Variants in OPTC observed in about 807,000 individuals in gnomAD.
The protein encoded by OPTC is opticin.
OPTC carries 22 observed loss-of-function variants against 25.4 expected under a neutral mutation model. The observed-to-expected ratio is 0.87, with a 90% CI of 0.62 to 1.24. The LOEUF is 1.24. Ranked by LOEUF, OPTC falls within the 50% of genes most tolerant of loss-of-function variation. The probability of loss-of-function intolerance (pLI) is 0.00; values close to 1 mark genes in which losing one functional copy is unlikely to be tolerated. For missense variants in OPTC, 417 were observed against 425.2 expected (o/e 0.98, Z 0.17); for synonymous variants, 169 against 179.3 (o/e 0.94, Z 0.46).
intron 7 of OPTC, among the ~76,000 whole-genome samples, chr1:203,504,775 G>A (rs75095615): frequency 0.015 from 2,243 of 152,328 alleles, 48 homozygotes; most frequent in African/African-American, 0.05. Context: ...TCTCTTGAGC[G>A]TGGTTGGCTC....
At position 203,499,644 on chromosome 1, in the gene OPTC, C is replaced by T. The variant is rs1386502204; in HGVS notation, c.530-5C>T. 2 of 1,612,914 alleles carry T rather than the reference C, an allele frequency of 1.2e-6. No individual in the cohort carries two copies. The highest frequency in any genetic ancestry group is 1.7e-6 in the Non-Finnish European group (2 of 1,179,314). On this transcript the variant is annotated splice_region_variant and splice_polypyrimidine_tract_variant and intron_variant, in intron 4 of 7. Coordinates refer to ENST00000367222, the MANE Select transcript of OPTC (RefSeq NM_014359.4). ...CTCTCTTTGTTCTCCCCTAACCTCT[C>T]TCAGCAAAGTTGAAGAGGATTGACC...
chr1:203,500,833 G>A (rs949091725), intron 5 of OPTC, among the ~76,000 whole-genome samples: 4 of 152,298 alleles, frequency 2.6e-5, no homozygotes, highest in Non-Finnish European at 5.9e-5. Context: ...TGGGGGTTCA[G>A]AAGTCCAGGT....
rs376106883 is a variant in OPTC, at chr1:203,498,850, C to A, written c.529+11C>A. 87 of 1,613,448 alleles carry A rather than the reference C, an allele frequency of 5.4e-5. No individual in the cohort carries two copies. Among genetic ancestry groups the A allele is most frequent in the Non-Finnish European group, 6.8e-5 (80 of 1,179,968 alleles). On this transcript the variant is annotated intron_variant, in intron 4 of 7. Transcript: ENST00000367222. ...ACTTCAAAGGGCTGAGTATGTAATG[C>A]CCTGGGAAAAGAGGAGTGGGGGCAG...
intron 5 of OPTC, 22 bp downstream of exon 5, chr1:203,499,873 ACTAT>A (rs1661347549): frequency 1.3e-6 from 2 of 1,594,414 alleles, no homozygotes; most frequent in South Asian, 1.1e-5. Context: ...CCTTAGATCC[ACTAT>A]CTATCACCTC....
intron 5 of OPTC, 78 bp from the exon 6 acceptor site, chr1:203,502,836 C>A: frequency 9.0e-7 from 1 of 1,107,076 alleles, no homozygotes. Context: ...GGCCACCTGT[C>A]TCTGGTCTCA....
chr1:203,503,761 G>C lies in OPTC; in HGVS notation c.*25+16G>C. On this transcript the variant is annotated intron_variant, in intron 7 of 7. Coordinates refer to ENST00000367222, the MANE Select transcript of OPTC (RefSeq NM_014359.4). The stretch of plus-strand genomic sequence containing the variant: ...CTCCTCCCAGGTAAGAACCCTCCAA[G>C]GACCATGCAGGCATGGGCCTCCAGC... The C allele has an allele frequency of 6.3e-7, 1 of 1,590,278 alleles. No individual in the cohort carries two copies. Among genetic ancestry groups the C allele is most frequent in the Non-Finnish European group, 8.5e-7 (1 of 1,173,460 alleles).
chr1:203,497,705 C>T lies in OPTC; in HGVS notation c.370+590C>T, dbSNP rs939095389. On this transcript the variant is annotated intron_variant, in intron 3 of 7. Transcript: ENST00000367222. Reference sequence around the variant, plus strand: ...TGCTTGCCCGCGGTTTCCCTGTTCTCTTCTCGGGATGTTTGCCTTGGGTGG... The same window carrying T: ...TGCTTGCCCGCGGTTTCCCTGTTCTTTTCTCGGGATGTTTGCCTTGGGTGG... Among the ~76,000 whole-genome samples, 7 of 152,266 alleles carry T rather than the reference C, an allele frequency of 4.6e-5. No homozygotes were observed. The East Asian group carries it at 5.8e-4, about 13-fold the overall frequency.
At position 203,498,703 on chromosome 1, in the gene OPTC, C is replaced by T. The variant is rs768298257; in HGVS notation, c.393C>T (p.Cys131=). 7.4e-6 allele frequency: 12 copies of T among 1,614,094 alleles called. No individual in the cohort carries two copies. In the East Asian group the frequency reaches 8.9e-5, roughly 12 times the overall value. ...CAGGTCTGCCCACCTGCCTGGTCTG[C>T]GTGTGCCTCGGTTCCTCTGTGTATT... ...PNHGLPTCLV[C]VCLGSSVYCD... The change falls in exon 4 of 8, where the codon TGC becomes TGT. Residue 131 remains cysteine, a synonymous_variant. Coordinates refer to ENST00000367222, the MANE Select transcript of OPTC (RefSeq NM_014359.4).
chr1:203,499,731 G>A lies in OPTC; in HGVS notation c.612G>A (p.Gln204=), dbSNP rs1661344046. ...NDAFRLLHAL[Q]DLILPENQLE... ...CCTTCCGCCTGCTACATGCCCTCCAGGACCTCATCCTCCCAGAGAACCAGT... is the reference window on the plus strand; with the variant it reads ...CCTTCCGCCTGCTACATGCCCTCCAAGACCTCATCCTCCCAGAGAACCAGT... The change falls in exon 5 of 8, where the codon CAG becomes CAA. Residue 204 remains glutamine, a synonymous_variant. Transcript: ENST00000367222. 3 of 1,613,350 alleles carry A rather than the reference G, an allele frequency of 1.9e-6. No individual in the cohort carries two copies. The highest frequency in any genetic ancestry group is 3.3e-5 in the Admixed American group (2 of 59,988).
At chr1:203,498,584 G>T in intron 3 of OPTC, 97 bp from the exon 4 acceptor site, 1 of 1,472,298 alleles carries the variant, frequency 6.8e-7, no homozygotes, top group Non-Finnish European at 9.5e-7. Context: ...TATCAAAAAG[G>T]CACAGATGGC....
chr1:203,507,355 C>A (rs1042576167), intron 7 of OPTC, among the ~76,000 whole-genome samples: 4 of 152,196 alleles, frequency 2.6e-5, no homozygotes, highest in Admixed American at 2.0e-4. Flanking sequence ...AGAGGAGGGG[C>A]TGTGGGGTCC....
rs780600363 is a variant in OPTC, at chr1:203,503,024, C to T, written c.828+15C>T. 1.0e-5 allele frequency: 16 copies of T among 1,597,820 alleles called. No homozygotes were observed. Among genetic ancestry groups the T allele is most frequent in the Non-Finnish European group, 1.2e-5 (14 of 1,165,908 alleles). ...TACACCTGCAGGTAAGGAGCACCAC[C>T]CAGAGCAAGGGTGATAAACAGCGTG... On this transcript the variant is annotated intron_variant, in intron 6 of 7. Coordinates refer to ENST00000367222, the MANE Select transcript of OPTC (RefSeq NM_014359.4).
intron 6 of OPTC, 68 bp downstream of exon 6, chr1:203,503,077 G>A (rs1250563462): frequency 1.6e-6 from 2 of 1,273,782 alleles, no homozygotes; most frequent in Non-Finnish European, 2.3e-6. Flanking sequence ...ACCAGGAGCA[G>A]GTCGTGGCAG....
In OPTC at chr1:203,499,774, C is replaced by A; in HGVS notation, c.655C>A (p.Leu219Met). The A allele has an allele frequency of 6.2e-7, 1 of 1,612,846 alleles. No individual in the cohort carries two copies. The highest frequency in any genetic ancestry group is 8.5e-7 in the Non-Finnish European group (1 of 1,179,902). The change falls in exon 5 of 8, where the codon CTG (leucine) becomes ATG (methionine). Residue 219 changes from leucine to methionine, a missense_variant. Physicochemically the swap from Leu to Met is conservative, Grantham distance 15 (BLOSUM62 2). Transcript: ENST00000367222. Reference protein sequence around the residue: ...PENQLEALPVLPSGIEFLDVR... With the variant: ...PENQLEALPVMPSGIEFLDVR... ...GAACCAGTTGGAAGCTCTGCCCGTG[C>A]TGCCCAGTGGCATTGAGTTCCTGGA... is the stretch of plus-strand genomic sequence containing the variant.
At chr1:203,499,188 G>A (rs903634157) in intron 4 of OPTC, among the ~76,000 whole-genome samples, 1 of 152,122 alleles carries the variant, frequency 6.6e-6, no homozygotes, top group Admixed American at 6.5e-5. Context: ...TGGCACTGAT[G>A]CTGTTTACAG....
chr1:203,496,872 G>A, intron 2 of OPTC, 105 bp from the exon 3 acceptor site: 2 of 1,207,426 alleles, frequency 1.7e-6, no homozygotes, highest in Middle Eastern at 1.9e-4. Context: ...CCTCCACAGT[G>A]ACTCTTTGCT....
rs1661291330 is a variant in OPTC at position 203,497,002 on chromosome 1, C to T, written c.257C>T (p.Ala86Val). ...GTTAAGGTGACTAGCCTCGCTCCTG[C>T]AACCAGCATCAGTCCCGCCAAGAGC... The part of the protein sequence containing the change: ...PEVKVTSLAP[A>V]TSISPAKSTT... Residue 86 changes from alanine to valine, a missense_variant, in exon 3 of 8, where the codon GCA becomes GTA. Transcript: ENST00000367222. The T allele has an allele frequency of 6.2e-7, 1 of 1,614,094 alleles. No individual in the cohort carries two copies. Among genetic ancestry groups the T allele is most frequent in the Non-Finnish European group, 8.5e-7 (1 of 1,180,020 alleles).
intron 7 of OPTC, among the ~76,000 whole-genome samples, chr1:203,505,709 C>T (rs769108990): frequency 7.2e-5 from 11 of 152,178 alleles, no homozygotes; most frequent in Non-Finnish European, 1.5e-4. Flanking sequence ...AGTGGGAAGT[C>T]TTGAAGGTGG....
chr1:203,506,481 A>T (rs1456693760), intron 7 of OPTC, among the ~76,000 whole-genome samples: 12 of 29,988 alleles, frequency 4.0e-4, no homozygotes, highest in Admixed American at 7.4e-4. Flanking sequence ...AAATCTAATT[A>T]AAAAAAAAAA....
Sources: gnomAD v4.1 joint callset for allele counts (sites outside exome capture counted in the v4.1 genomes callset) on GRCh38, gnomAD v4.1.1 for gene constraint, MANE v1.5 for transcripts, NCBI Gene and HGNC (gene_info 2026-07-23, HGNC 2026-07-21) for gene names.